SLFN14: variants seen among roughly 807,000 people sequenced by gnomAD.
The protein encoded by SLFN14 is schlafen family member 14.
SLFN14 carries 47 observed loss-of-function variants against 58.6 expected under a neutral mutation model. That is an observed-to-expected ratio of 0.80 (90% CI 0.64 to 1.02). The LOEUF (loss-of-function observed/expected upper bound fraction) is 1.02. Ranked by LOEUF, SLFN14 falls within the 50% of genes least tolerant of loss-of-function variation. SLFN14 has a pLI of 0.00. For synonymous variants in SLFN14, 390 were observed against 387.3 expected (o/e 1.01, Z -0.08); for missense variants, 967 against 1,078.4 (o/e 0.90, Z 1.45).
chr17:35,558,490 C>T (rs576723737), intron 2 of SLFN14, among the ~76,000 whole-genome samples: 87 of 150,988 alleles, frequency 5.8e-4, no homozygotes, highest in African/African-American at 2.0e-3. Context: ...AGTCTTGCTA[C>T]GTTGCAATCC....
chr17:35,558,411 C>T (rs536685975), intron 2 of SLFN14, among the ~76,000 whole-genome samples: 8 of 152,026 alleles, frequency 5.3e-5, no homozygotes, highest in Middle Eastern at 3.4e-3. Context: ...ACTACAGACA[C>T]GTGCCACCAA....
chr17:35,556,922 CAT>C (rs2072657145), intron 3 of SLFN14, 79 bp downstream of exon 3: 2 of 1,264,162 alleles, frequency 1.6e-6, no homozygotes, highest in East Asian at 2.5e-5. Flanking sequence ...TTTTAACTAA[CAT>C]ATGTGATCAA....
intron 5 of SLFN14, among the ~76,000 whole-genome samples, chr17:35,550,748 C>G (rs545720101): frequency 6.6e-6 from 1 of 152,268 alleles, no homozygotes; most frequent in South Asian, 2.1e-4. Context: ...ATTTTGCCCT[C>G]TTTTGCTGAA....
rs1427374093 is a variant in SLFN14 at position 35,547,445 on chromosome 17, G to A, written c.*794C>T. On this transcript the variant is annotated 3_prime_UTR_variant, in exon 6 of 6. Coordinates refer to ENST00000674182, the MANE Select transcript of SLFN14 (RefSeq NM_001129820.2). ...AATCAAATTACCAGCTTCCCTTACTGTAAGGCTATGTTCATATAATTTGGC... is the reference window on the plus strand; with the variant it reads ...AATCAAATTACCAGCTTCCCTTACTATAAGGCTATGTTCATATAATTTGGC... 6.6e-6 allele frequency among the ~76,000 whole-genome samples: 1 copy of A among 152,144 alleles called. No homozygotes were observed. The highest frequency in any genetic ancestry group is 2.4e-5 in the African/African-American group (1 of 41,440).
chr17:35,546,295 C>A lies in SLFN14; in HGVS notation c.*1944G>T, dbSNP rs185268935. Among the ~76,000 whole-genome samples, 30 of 152,268 alleles carry A rather than the reference C, an allele frequency of 2.0e-4. No homozygotes were observed. The highest frequency in any genetic ancestry group is 1.0e-3 in the Admixed American group (16 of 15,304). Reference sequence around the variant, plus strand: ...CTATCCAAAACTACCCTAAAGCCCCCAAGGAAAGGTAAAAAGGAAGAAACA... The same window carrying A: ...CTATCCAAAACTACCCTAAAGCCCCAAAGGAAAGGTAAAAAGGAAGAAACA... On this transcript the variant is annotated 3_prime_UTR_variant, in exon 6 of 6. Transcript: ENST00000674182.
Position 35,548,127 on chromosome 17 carries a change from A to G in SLFN14, c.*112T>C. 2.9e-6 allele frequency: 3 copies of G among 1,044,382 alleles called. No homozygotes were observed. The highest frequency in any genetic ancestry group is 1.4e-6 in the Non-Finnish European group (1 of 734,932). 64.7% of individuals were successfully genotyped at this position (1,044,382 alleles called of 1,614,324 possible). ...AGAGACATTTCTGTGGCTCCAGGCC[A>G]TACTGATGTGCCTTGATTTCCTCAC... is the stretch of plus-strand genomic sequence containing the variant. On this transcript the variant is annotated 3_prime_UTR_variant, in exon 6 of 6. Coordinates refer to ENST00000674182, the MANE Select transcript of SLFN14 (RefSeq NM_001129820.2).
In SLFN14 at chr17:35,553,298, C is replaced by T. The variant is rs2072615136; in HGVS notation, c.1336G>A (p.Val446Ile). ...VIFSRSWAGDVGFRKEQNVLC... is the reference protein window; with the variant it reads ...VIFSRSWAGDIGFRKEQNVLC... ...ACATTCTGTTCTTTCCTGAAGCCAACATCACCAGCCCAGCTTCTAGAAAAT... is the reference window on the plus strand; with the variant it reads ...ACATTCTGTTCTTTCCTGAAGCCAATATCACCAGCCCAGCTTCTAGAAAAT... The change falls in exon 5 of 6, where the codon GTT becomes ATT. Residue 446 changes from valine to isoleucine, a missense_variant. Val to Ile is a conservative substitution (Grantham distance 29). Transcript: ENST00000674182. 3 of 1,551,704 alleles carry T rather than the reference C, an allele frequency of 1.9e-6. No individual in the cohort carries two copies. The highest frequency in any genetic ancestry group is 2.6e-6 in the Non-Finnish European group (3 of 1,146,994).
At chr17:35,559,090 G>A (rs553484859) in intron 2 of SLFN14, among the ~76,000 whole-genome samples, 4 of 152,080 alleles carry the variant, frequency 2.6e-5, no homozygotes, top group Admixed American at 2.6e-4. Flanking sequence ...GGCAGGTATG[G>A]TGGTGCGCAC....
chr17:35,550,116 A>C (rs1208569802), intron 5 of SLFN14, among the ~76,000 whole-genome samples: 1 of 152,156 alleles, frequency 6.6e-6, no homozygotes, highest in African/African-American at 2.4e-5. Context: ...TGGTGTCTCC[A>C]TGTCTTTGAA....
intron 4 of SLFN14, 188 bp from the exon 5 acceptor site, chr17:35,553,632 T>G: frequency 1.2e-5 from 7 of 577,032 alleles, no homozygotes; most frequent in East Asian, 3.0e-5. Flanking sequence ...CATTTGGCAA[T>G]GTCTGGAAAA....
chr17:35,546,008 C>T lies in SLFN14; in HGVS notation c.*2231G>A, dbSNP rs1033658455. On this transcript the variant is annotated 3_prime_UTR_variant, in exon 6 of 6. Transcript: ENST00000674182. ...ACTAGACTAAGAACTGACAAAGACT[C>T]TCAAATTCAATATTTAAAACAATTC... 1.3e-5 allele frequency among the ~76,000 whole-genome samples: 2 copies of T among 152,084 alleles called. No homozygotes were observed. Among genetic ancestry groups the T allele is most frequent in the African/African-American group, 4.8e-5 (2 of 41,382 alleles).
At chr17:35,560,248 A>G (rs950503108) in intron 1 of SLFN14, among the ~76,000 whole-genome samples, 1 of 152,242 alleles carries the variant, frequency 6.6e-6, no homozygotes, top group African/African-American at 2.4e-5. Flanking sequence ...TGTTATTTGA[A>G]TGCTGATAAC....
chr17:35,559,988 G>A (rs2072685899), intron 1 of SLFN14, among the ~76,000 whole-genome samples, 183 bp from the exon 2 acceptor site: 1 of 152,132 alleles, frequency 6.6e-6, no homozygotes, highest in African/African-American at 2.4e-5. Flanking sequence ...ACAATCTATA[G>A]GATTCTAAAA....
At chr17:35,554,482 C>T in intron 4 of SLFN14, 94 bp downstream of exon 4, 1 of 1,100,930 alleles carries the variant, frequency 9.1e-7, no homozygotes, top group Non-Finnish European at 1.2e-6. Context: ...TTGACCTTCC[C>T]TAAGGAGAAA....
In SLFN14 at chr17:35,553,457, G is replaced by C; in HGVS notation, c.1190-13C>G. The C allele has an allele frequency of 6.6e-7, 1 of 1,504,164 alleles. No homozygotes were observed. Among genetic ancestry groups the C allele is most frequent in the Non-Finnish European group, 8.9e-7 (1 of 1,122,952 alleles). 93.2% of individuals were successfully genotyped at this position (1,504,164 alleles called of 1,614,324 possible). A position where few individuals can be genotyped will look rare whatever the true frequency, so the allele number is the denominator to read the frequency against. ...TCTTCCTGTGTCACTGAAAATTCAA[G>C]GAATAGATGTTACCAAAACTTACAA... On this transcript the variant is annotated splice_polypyrimidine_tract_variant and intron_variant, in intron 4 of 5. Transcript: ENST00000674182.
Position 35,557,660 on chromosome 17 carries a change from C to T in SLFN14, c.403G>A (p.Val135Met), listed in dbSNP as rs1311469862. 1 of 1,551,588 alleles carries T rather than the reference C, an allele frequency of 6.4e-7. No homozygotes were observed. Among genetic ancestry groups the T allele is most frequent in the African/African-American group, 1.4e-5 (1 of 73,034 alleles). ...SLRSNLYRRD[V>M]TSAINLSASS... ...GCACTCAAGTTGATAGCAGAAGTCA[C>T]ATCTCTCCGATACAAATTGGAGCGC... Residue 135 changes from valine to methionine, a missense_variant, in exon 3 of 6, where the codon GTG becomes ATG. Physicochemically the swap from Val to Met is conservative, Grantham distance 21. Transcript: ENST00000674182.
chr17:35,552,639 T>TATATATACAC (rs1555547569), intron 5 of SLFN14, 91 bp downstream of exon 5: 2 of 371,574 alleles, frequency 5.4e-6, no homozygotes, highest in Middle Eastern at 7.5e-4. Context: ...TATATATACA[T>TATATATACAC]ATATATATAC....
In SLFN14 at chr17:35,548,947, C is replaced by T; in HGVS notation, c.2031G>A (p.Lys677=). 1 of 1,551,686 alleles carries T rather than the reference C, an allele frequency of 6.4e-7. No individual in the cohort carries two copies. ...CCTTTGGATGGGTGATGTTCTTAGCCTTCATGTACCAATTGCCATATTTGC... is the reference window on the plus strand; with the variant it reads ...CCTTTGGATGGGTGATGTTCTTAGCTTTCATGTACCAATTGCCATATTTGC... ...FCSKYGNWYM[K]AKNITHPKAK... The change falls in exon 6 of 6, where the codon AAG becomes AAA. Residue 677 remains lysine, a synonymous_variant. Transcript: ENST00000674182.
chr17:35,548,606 G>T lies in SLFN14; in HGVS notation c.2372C>A (p.Thr791Lys). 1 of 1,551,746 alleles carries T rather than the reference G, an allele frequency of 6.4e-7. No individual in the cohort carries two copies. Among genetic ancestry groups the T allele is most frequent in the Non-Finnish European group, 8.7e-7 (1 of 1,146,994 alleles). ...TGCCACATAGTTAGCTATTTGTTCT[G>T]TTGTCAGATTAGTCTTTGTCTCACA... Reference protein sequence around the residue: ...GVCETKTNLTTEQIANYVARK... With the variant: ...GVCETKTNLTKEQIANYVARK... Residue 791 changes from threonine to lysine, a missense_variant, in exon 6 of 6, where the codon ACA (threonine) becomes AAA (lysine). Thr to Lys is a moderately conservative substitution (Grantham distance 78). Transcript: ENST00000674182.
Sources: allele counts gnomAD v4.1 joint callset (sites outside exome capture counted in the v4.1 genomes callset), GRCh38; gene constraint gnomAD v4.1.1; transcripts MANE v1.5; gene names NCBI Gene and HGNC (gene_info 2026-07-23, HGNC 2026-07-21).